ZNF385B: variants seen among roughly 807,000 people sequenced by gnomAD.
The protein encoded by ZNF385B is zinc finger protein 533.
In ZNF385B, 23 loss-of-function variants were observed where a neutral mutation model predicts 39.2. The observed-to-expected ratio is 0.59, with a 90% CI of 0.42 to 0.83. The LOEUF (loss-of-function observed/expected upper bound fraction) is 0.83. ZNF385B is among the 40% of genes least tolerant of loss of function. The pLI is 0.00. For missense variants in ZNF385B, 552 were observed against 598.9 expected (o/e 0.92, Z 0.82); for synonymous variants, 205 against 222.6 (o/e 0.92, Z 0.70).
At chr2:179,717,793 C>G (rs555006877) in intron 3 of ZNF385B, among the ~76,000 whole-genome samples, 1 of 152,142 alleles carries the variant, frequency 6.6e-6, no homozygotes, top group African/African-American at 2.4e-5. Flanking sequence ...TTTCCTACCT[C>G]TCATTATACC....
At chr2:179,580,632 G>A (rs1686390902) in intron 3 of ZNF385B, among the ~76,000 whole-genome samples, 3 of 152,142 alleles carry the variant, frequency 2.0e-5, no homozygotes, top group Non-Finnish European at 4.4e-5. Context: ...AGATATCAGA[G>A]CACTCTCTTA....
intron 3 of ZNF385B, among the ~76,000 whole-genome samples, chr2:179,697,923 C>T (rs890064606): frequency 6.6e-6 from 1 of 152,144 alleles, no homozygotes; most frequent in Non-Finnish European, 1.5e-5. Context: ...CCATCATTCT[C>T]AGCAAACTAT....
At chr2:179,542,525 A>G (rs1454970825) in intron 4 of ZNF385B, among the ~76,000 whole-genome samples, 1 of 152,202 alleles carries the variant, frequency 6.6e-6, no homozygotes, top group East Asian at 1.9e-4. Context: ...CATAAGATTA[A>G]TTGCTGTGTA....
chr2:179,504,035 C>T (rs964723967), intron 5 of ZNF385B, among the ~76,000 whole-genome samples: 6 of 145,690 alleles, frequency 4.1e-5, no homozygotes, highest in Non-Finnish European at 8.9e-5. Flanking sequence ...CCTCTCCCCA[C>T]CCCACCACAG....
At chr2:179,723,551 T>C (rs1310131539) in intron 3 of ZNF385B, among the ~76,000 whole-genome samples, 1 of 152,128 alleles carries the variant, frequency 6.6e-6, no homozygotes, top group African/African-American at 2.4e-5. Context: ...AGTATGAATC[T>C]TAAAAATTAT....
At chr2:179,693,602 C>G (rs1367179552) in intron 3 of ZNF385B, among the ~76,000 whole-genome samples, 2 of 152,148 alleles carry the variant, frequency 1.3e-5, no homozygotes, top group Non-Finnish European at 2.9e-5. Context: ...TCCAGAGTTT[C>G]ATTGGCTACG....
intron 4 of ZNF385B, among the ~76,000 whole-genome samples, chr2:179,525,328 T>C (rs1207561351): frequency 6.6e-6 from 1 of 152,216 alleles, no homozygotes; most frequent in African/African-American, 2.4e-5. Flanking sequence ...CTTTCTGACC[T>C]ATTTCTCATA....
chr2:179,458,641 A>C (rs2050968152), intron 6 of ZNF385B, among the ~76,000 whole-genome samples: 1 of 152,228 alleles, frequency 6.6e-6, no homozygotes, highest in African/African-American at 2.4e-5. Context: ...ATCTATTAAA[A>C]AAACCTCTTA....
chr2:179,819,896 G>C, intron 1 of ZNF385B, among the ~76,000 whole-genome samples: 1 of 152,096 alleles, frequency 6.6e-6, no homozygotes, highest in East Asian at 1.9e-4. Flanking sequence ...TTAACAATTA[G>C]ACATATTGCA....
At chr2:179,483,212 G>A in intron 6 of ZNF385B, 60 bp downstream of exon 6, 1 of 1,588,026 alleles carries the variant, frequency 6.3e-7, no homozygotes, top group Non-Finnish European at 8.6e-7. Context: ...AGGAAAACGG[G>A]GTCAGGGCAG....
intron 3 of ZNF385B, among the ~76,000 whole-genome samples, chr2:179,765,800 A>C (rs1703654859): frequency 6.6e-6 from 1 of 152,132 alleles, no homozygotes; most frequent in Admixed American, 6.5e-5. Context: ...TCTGGAAGCC[A>C]AGACCCATCT....
chr2:179,859,398 T>C (rs1236622995), intron 1 of ZNF385B, among the ~76,000 whole-genome samples: 1 of 152,232 alleles, frequency 6.6e-6, no homozygotes, highest in Non-Finnish European at 1.5e-5. Flanking sequence ...TTATTAAACT[T>C]CTATAAAGAG....
chr2:179,734,570 A>T (rs1249799014), intron 3 of ZNF385B, among the ~76,000 whole-genome samples: 1 of 152,190 alleles, frequency 6.6e-6, no homozygotes, highest in Non-Finnish European at 1.5e-5. Context: ...ACAAGTATTC[A>T]CAGATTCTAT....
chr2:179,477,583 C>T (rs372943780), intron 6 of ZNF385B, among the ~76,000 whole-genome samples: 12 of 152,096 alleles, frequency 7.9e-5, no homozygotes, highest in Admixed American at 5.9e-4. Context: ...AAATGGGGAG[C>T]GTGTTCAAGA....
intron 3 of ZNF385B, among the ~76,000 whole-genome samples, chr2:179,734,734 A>T (rs1354396137): frequency 6.6e-6 from 1 of 152,228 alleles, no homozygotes; most frequent in East Asian, 1.9e-4. Context: ...ATATTGTAAA[A>T]TAAATAATAC....
chr2:179,636,733 C>T (rs1014001389), intron 3 of ZNF385B, among the ~76,000 whole-genome samples: 4 of 152,086 alleles, frequency 2.6e-5, no homozygotes, highest in African/African-American at 2.4e-5. Flanking sequence ...GCATTTTGAC[C>T]TTCCTATCTC....
At chr2:179,499,756 T>C (rs1574468855) in intron 5 of ZNF385B, among the ~76,000 whole-genome samples, 1 of 152,054 alleles carries the variant, frequency 6.6e-6, no homozygotes, top group East Asian at 1.9e-4. Flanking sequence ...CTGTTACCAC[T>C]GTTATTCAAC....
chr2:179,488,915 G>A (rs1174364290), intron 5 of ZNF385B, among the ~76,000 whole-genome samples: 1 of 152,094 alleles, frequency 6.6e-6, no homozygotes, highest in East Asian at 1.9e-4. Flanking sequence ...GCTAGATATT[G>A]TAAACGATTA....
chr2:179,750,389 G>A (rs1673309900), intron 3 of ZNF385B, among the ~76,000 whole-genome samples: 1 of 152,054 alleles, frequency 6.6e-6, no homozygotes, highest in Admixed American at 6.6e-5. Flanking sequence ...TCAGGATTTT[G>A]TAAAATACTT....
Sources: gnomAD v4.1 joint callset for allele counts (sites outside exome capture counted in the v4.1 genomes callset) on GRCh38, gnomAD v4.1.1 for gene constraint, MANE v1.5 for transcripts, NCBI Gene and HGNC (gene_info 2026-07-23, HGNC 2026-07-21) for gene names.